B4GALNT3: variants seen among roughly 807,000 people sequenced by gnomAD.
B4GALNT3 encodes the protein beta-1,4-N-acetylgalactosaminyltransferase 3.
In B4GALNT3, 86 loss-of-function variants were observed where a neutral mutation model predicts 120.2. The observed-to-expected ratio is 0.72, with a 90% CI of 0.60 to 0.86. The LOEUF is 0.86. B4GALNT3 is among the 40% of genes least tolerant of loss of function. The pLI is 0.00. For synonymous variants in B4GALNT3, 518 were observed against 510.4 expected, an observed-to-expected ratio of 1.01 and a Z score of -0.20; for missense variants, 1,167 against 1,298.9, an observed-to-expected ratio of 0.90 and a Z score of 1.56.
Position 549,931 on chromosome 12 carries a change from C to T in B4GALNT3, c.997+19C>T, listed in dbSNP as rs1947059022. On this transcript the variant is annotated intron_variant, in intron 10 of 19. Transcript: ENST00000266383. ...TATCGAGGTAAGGCCTCGGCCAGCGCTTGGCGTCCTTTCTGGGGACACTGC... is the reference window on the plus strand; with the variant it reads ...TATCGAGGTAAGGCCTCGGCCAGCGTTTGGCGTCCTTTCTGGGGACACTGC... The T allele has an allele frequency of 1.3e-6, 2 of 1,593,486 alleles. No homozygotes were observed. The highest frequency in any genetic ancestry group is 2.7e-5 in the African/African-American group (2 of 74,388).
rs55927726 is a variant in B4GALNT3, at chr12:500,865, C to CTTTTTTTTTTTTT, written c.170-34293_170-34281dup. 3.1e-3 allele frequency among the ~76,000 whole-genome samples: 189 copies of CTTTTTTTTTTTTT among 61,802 alleles called. 46 individuals are homozygous for CTTTTTTTTTTTTT. Among genetic ancestry groups the CTTTTTTTTTTTTT allele is most frequent in the African/African-American group, 5.9e-3 (79 of 13,336 alleles). The allele number at this position is 61,802 out of a possible 152,430, so 40.5% of individuals were successfully genotyped here. A position where few individuals can be genotyped will look rare whatever the true frequency, so the allele number is the denominator to read the frequency against. ...CTGAATTTGAATCCTGGCTCCACTG[C>CTTTTTTTTTTTTT]TTTTTTTTTTTTTTTTTTTTGACAC... On this transcript the variant is annotated intron_variant, in intron 1 of 19. Coordinates refer to ENST00000266383, the MANE Select transcript of B4GALNT3 (RefSeq NM_173593.4).
At chr12:493,302 A>G (rs578105245) in intron 1 of B4GALNT3, among the ~76,000 whole-genome samples, 1 of 152,378 alleles carries the variant, frequency 6.6e-6, no homozygotes, top group South Asian at 2.1e-4. Flanking sequence ...ATAGCAAGTA[A>G]ACACATGGAA....
chr12:480,170 C>T (rs1045382499), intron 1 of B4GALNT3, among the ~76,000 whole-genome samples: 56 of 149,524 alleles, frequency 3.7e-4, no homozygotes, highest in Middle Eastern at 3.8e-3. Context: ...CCGCCTCGGC[C>T]TCCCAAAGTG....
chr12:556,609 GCTACCTCC>G lies in B4GALNT3; in HGVS notation c.2124_2131del (p.Tyr709GlyfsTer3). On this transcript the variant is annotated frameshift_variant, in exon 15 of 20. Coordinates refer to ENST00000266383, the MANE Select transcript of B4GALNT3 (RefSeq NM_173593.4). LOFTEE classifies it high-confidence loss of function. Reference sequence around the variant, plus strand: ...CGTCAGGACCAGCTACGTGGGGGTCGCTACCTCCTGGAGCTTGAACTGTTGGAACAAGG... The same window carrying G: ...CGTCAGGACCAGCTACGTGGGGGTCGTGGAGCTTGAACTGTTGGAACAAGG... 6.2e-7 allele frequency: 1 copy of G among 1,614,008 alleles called. No homozygotes were observed. Among genetic ancestry groups the G allele is most frequent in the Non-Finnish European group, 8.5e-7 (1 of 1,180,018 alleles).
chr12:500,566 A>G (rs1238735908), intron 1 of B4GALNT3, among the ~76,000 whole-genome samples: 3 of 152,166 alleles, frequency 2.0e-5, no homozygotes, highest in Non-Finnish European at 4.4e-5. Flanking sequence ...TCTAGTATGG[A>G]CATTCGGCTG....
chr12:465,863 G>T, intron 1 of B4GALNT3, among the ~76,000 whole-genome samples: 1 of 145,392 alleles, frequency 6.9e-6, no homozygotes, highest in Non-Finnish European at 1.5e-5. Flanking sequence ...CTGCTTGATG[G>T]TGCTGGGGCT....
intron 1 of B4GALNT3, among the ~76,000 whole-genome samples, chr12:521,700 C>T (rs918128861): frequency 1.3e-5 from 2 of 152,186 alleles, no homozygotes; most frequent in African/African-American, 2.4e-5. Context: ...TTCAGTGGGA[C>T]GATTCCACTG....
At chr12:549,434 T>C (rs1947049028) in intron 9 of B4GALNT3, among the ~76,000 whole-genome samples, 1 of 152,270 alleles carries the variant, frequency 6.6e-6, no homozygotes, top group Non-Finnish European at 1.5e-5. Context: ...CCTGGCTTAT[T>C]ATTAAGTGCT....
chr12:547,684 C>T (rs1480122750), intron 7 of B4GALNT3, among the ~76,000 whole-genome samples: 2 of 152,106 alleles, frequency 1.3e-5, no homozygotes, highest in Non-Finnish European at 2.9e-5. Context: ...CTGTGTTCTC[C>T]TCTACGAACA....
At position 550,840 on chromosome 12, in the gene B4GALNT3, A is replaced by G. The variant is rs1005214074; in HGVS notation, c.998-82A>G. 8.9e-7 allele frequency: 1 copy of G among 1,128,022 alleles called. No individual in the cohort carries two copies. The highest frequency in any genetic ancestry group is 1.3e-6 in the Non-Finnish European group (1 of 771,628). 69.9% of individuals were successfully genotyped at this position (1,128,022 alleles called of 1,614,324 possible). A position where few individuals can be genotyped will look rare whatever the true frequency, so the allele number is the denominator to read the frequency against. ...ACAGCTGCCGCTTGCGAATACAGAA[A>G]GGGCCCTGCTCAGGGCAGAGGACTT... On this transcript the variant is annotated intron_variant, in intron 10 of 19. Transcript: ENST00000266383. The surrounding 1 kb of genome is among the most constrained non-coding windows in gnomAD (Gnocchi z 4.1).
rs1946867780 is a variant in B4GALNT3 at position 536,997 on chromosome 12, C to G, written c.351+702C>G. On this transcript the variant is annotated intron_variant, in intron 3 of 19. Transcript: ENST00000266383. ...TTTAAAACTATAATATACTACCTTG[C>G]CTTCCTGGAAATGTACATTAGCATA... is the stretch of plus-strand genomic sequence containing the variant. Among the ~76,000 whole-genome samples the G allele has an allele frequency of 2.0e-5, 3 of 152,222 alleles. No individual in the cohort carries two copies. The South Asian group carries it at 6.2e-4, about 31-fold the overall frequency.
At chr12:521,080 T>C (rs1434935164) in intron 1 of B4GALNT3, among the ~76,000 whole-genome samples, 1 of 152,166 alleles carries the variant, frequency 6.6e-6, no homozygotes, top group East Asian at 1.9e-4. Flanking sequence ...ACACCCCCGG[T>C]TCAGGAAGAA....
intron 1 of B4GALNT3, among the ~76,000 whole-genome samples, chr12:463,335 A>G (rs1946041306): frequency 6.6e-6 from 1 of 152,250 alleles, no homozygotes; most frequent in Non-Finnish European, 1.5e-5. Flanking sequence ...GATGATGTGC[A>G]ATTTGGTTCC....
intron 1 of B4GALNT3, among the ~76,000 whole-genome samples, chr12:528,529 C>T (rs915004128): frequency 6.6e-6 from 1 of 152,230 alleles, no homozygotes; most frequent in African/African-American, 2.4e-5. Context: ...GCATCAAGTT[C>T]CCTGGCGCAT....
rs761329193 is a variant in B4GALNT3 at position 553,321 on chromosome 12, T to C, written c.1398T>C (p.Asp466=). 4.5e-5 allele frequency: 72 copies of C among 1,613,580 alleles called. No individual in the cohort carries two copies. The highest frequency in any genetic ancestry group is 5.8e-5 in the Non-Finnish European group (69 of 1,180,042). ...RQTPASTLEQ[D]ATDYRLRSLR... ...CACCTGCCTCCACCCTGGAGCAAGA[T>C]GCCACTGACTACCGCCTCCGAAGCC... The change falls in exon 14 of 20, where the codon GAT becomes GAC. Residue 466 remains aspartate (D), a synonymous_variant. Transcript: ENST00000266383.
intron 1 of B4GALNT3, among the ~76,000 whole-genome samples, chr12:491,167 G>C (rs529032962): frequency 6.6e-6 from 1 of 152,128 alleles, no homozygotes; most frequent in East Asian, 1.9e-4. Flanking sequence ...TGTGTAAAAA[G>C]ATTATACATC....
intron 1 of B4GALNT3, among the ~76,000 whole-genome samples, chr12:481,801 C>T (rs1946246002): frequency 6.6e-6 from 1 of 152,150 alleles, no homozygotes. Context: ...CCTGCCTCAG[C>T]CTCAGCTGTG....
chr12:523,165 A>G (rs1946728835), intron 1 of B4GALNT3, among the ~76,000 whole-genome samples: 2 of 152,088 alleles, frequency 1.3e-5, no homozygotes, highest in Admixed American at 6.6e-5. Flanking sequence ...TAATTTATCA[A>G]TGTCAGGGCC....
Position 552,462 on chromosome 12 carries a change from T to C in B4GALNT3, c.1209-5T>C, listed in dbSNP as rs758765097. The C allele has an allele frequency of 3.1e-6, 5 of 1,613,716 alleles. No individual in the cohort carries two copies. The highest frequency in any genetic ancestry group is 2.2e-5 in the East Asian group (1 of 44,878). On this transcript the variant is annotated splice_region_variant and splice_polypyrimidine_tract_variant and intron_variant, in intron 12 of 19. Coordinates refer to ENST00000266383, the MANE Select transcript of B4GALNT3 (RefSeq NM_173593.4). ...TGCCAATGCACACCTCCCTTCCTCC[T>C]GCAGGTTCAGCTTTCAGGAGTACAT...
Sources: gnomAD v4.1 joint callset for allele counts (sites outside exome capture counted in the v4.1 genomes callset) on GRCh38, gnomAD v4.1.1 for gene constraint, Gnocchi (gnomAD v3.1) non-coding constraint, MANE v1.5 for transcripts, NCBI Gene and HGNC (gene_info 2026-07-23, HGNC 2026-07-21) for gene names.